Variants in PCDHA2 observed in about 807,000 individuals in gnomAD.
PCDHA2 encodes protocadherin alpha-2.
In PCDHA2, 58 loss-of-function variants were observed where a neutral mutation model predicts 66.0. The observed-to-expected ratio is 0.88, with a 90% CI of 0.71 to 1.09. The LOEUF is 1.09. PCDHA2 is among the 50% of genes least tolerant of loss of function. The pLI is 0.00. For synonymous variants in PCDHA2, 634 were observed against 554.0 expected, an observed-to-expected ratio of 1.14 and a Z score of -2.03; for missense variants, 1,267 against 1,242.3, an observed-to-expected ratio of 1.02 and a Z score of -0.30.
At chr5:140,799,417 C>T (rs1340431860) in intron 1 of PCDHA2, among the ~76,000 whole-genome samples, 5 of 152,052 alleles carry the variant, frequency 3.3e-5, no homozygotes, top group Non-Finnish European at 7.4e-5. Flanking sequence ...TATTTTCAAA[C>T]TAGCTACCAT....
At chr5:140,868,922 C>A in intron 1 of PCDHA2, 2 of 1,015,106 alleles carry the variant, frequency 2.0e-6, no homozygotes, top group Non-Finnish European at 2.8e-6. Flanking sequence ...GTGGAAAGTT[C>A]ATTTAAAGGT....
At chr5:140,822,892 G>T (rs2150120154) in intron 1 of PCDHA2, 2 of 1,614,212 alleles carry the variant, frequency 1.2e-6, no homozygotes, top group East Asian at 4.5e-5. Flanking sequence ...TCTGATCAGC[G>T]TGTCTGACCG....
intron 3 of PCDHA2, among the ~76,000 whole-genome samples, chr5:140,983,431 G>T (rs947907651): frequency 5.3e-5 from 8 of 152,198 alleles, no homozygotes; most frequent in African/African-American, 1.9e-4. Flanking sequence ...ACCACAAATT[G>T]TGTCTACTCT....
chr5:140,824,001 C>A (rs1210626259), intron 1 of PCDHA2: 6 of 1,613,960 alleles, frequency 3.7e-6, no homozygotes, highest in African/African-American at 2.7e-5. Flanking sequence ...TGTGCTCCAG[C>A]GCGGTGGGGA....
intron 1 of PCDHA2, chr5:140,816,109 G>C (rs1554126971): frequency 1.3e-5 from 2 of 152,000 alleles, no homozygotes; most frequent in South Asian, 2.1e-4. Flanking sequence ...TTCTCTTATG[G>C]CTTCTTCTTT....
chr5:140,869,126 G>T, intron 1 of PCDHA2: 2 of 1,611,852 alleles, frequency 1.2e-6, no homozygotes, highest in South Asian at 2.2e-5. Flanking sequence ...CAGAGAAGGG[G>T]ATTGGGCACC....
intron 3 of PCDHA2, among the ~76,000 whole-genome samples, chr5:141,006,959 A>G (rs2098296620): frequency 6.6e-6 from 1 of 152,142 alleles, no homozygotes; most frequent in East Asian, 1.9e-4. Context: ...GTTATACATG[A>G]GATTGGAGCA....
intron 3 of PCDHA2, among the ~76,000 whole-genome samples, chr5:141,007,339 T>C (rs2098316015): frequency 6.9e-6 from 1 of 143,904 alleles, no homozygotes; most frequent in Non-Finnish European, 1.5e-5. Context: ...TTGCCTGAGC[T>C]CAGGAGTTCG....
intron 1 of PCDHA2, chr5:140,804,822 G>A (rs1763466410): frequency 2.7e-6 from 1 of 372,784 alleles, no homozygotes; most frequent in Admixed American, 4.7e-5. Context: ...CTGAAACCTG[G>A]TTAATACTCA....
intron 1 of PCDHA2, chr5:140,841,722 G>A (rs2150321630): frequency 1.2e-6 from 2 of 1,613,870 alleles, no homozygotes; most frequent in Admixed American, 1.7e-5. Context: ...CCAGTGTTCC[G>A]GGTAAAAGAC....
rs2150182474 is a variant in PCDHA2 at position 140,830,181 on chromosome 5, A to G, written c.2388+32829A>G. The G allele has an allele frequency of 8.7e-6, 14 of 1,613,592 alleles. No individual in the cohort carries two copies. The East Asian group carries it at 1.8e-4, about 21-fold the overall frequency. Reference sequence around the variant, plus strand: ...CCAGAGGCGGCGCTGGTGGATGTCAACGTGTACCTGATCATCGCCATCTGC... The same window carrying G: ...CCAGAGGCGGCGCTGGTGGATGTCAGCGTGTACCTGATCATCGCCATCTGC... On this transcript the variant is annotated intron_variant, in intron 1 of 3. Transcript: ENST00000526136.
At chr5:140,850,669 C>A in intron 1 of PCDHA2, 1 of 1,598,502 alleles carries the variant, frequency 6.3e-7, no homozygotes, top group South Asian at 1.1e-5. Flanking sequence ...CGGTGCTCGG[C>A]GATGCCCACC....
rs2150153657 is a variant in PCDHA2, at chr5:140,828,287, A to G, written c.2388+30935A>G. 17 of 1,613,924 alleles carry G rather than the reference A, an allele frequency of 1.1e-5. No homozygotes were observed. The highest frequency in any genetic ancestry group is 4.5e-5 in the East Asian group (2 of 44,896). On this transcript the variant is annotated intron_variant, in intron 1 of 3. Coordinates refer to ENST00000526136, the MANE Select transcript of PCDHA2 (RefSeq NM_018905.3). ...GGAGCTGGTGCCGCGCCTGTTCAGG[A>G]TGGCCTCCAAAGACCGCGAGGACCT... is the stretch of plus-strand genomic sequence containing the variant.
chr5:140,859,830 T>C (rs1388131535), intron 1 of PCDHA2: 1 of 152,212 alleles, frequency 6.6e-6, no homozygotes, highest in Non-Finnish European at 1.5e-5. Flanking sequence ...AGAAGTGTAT[T>C]TGTTATTTTA....
At chr5:140,861,319 C>G (rs781885907) in intron 1 of PCDHA2, 29 of 220,020 alleles carry the variant, frequency 1.3e-4, no homozygotes, top group Non-Finnish European at 2.1e-4. Context: ...ACCAGTTCCA[C>G]TACACCATCC....
Position 140,848,545 on chromosome 5 carries a change from C to A in PCDHA2, c.2388+51193C>A. On this transcript the variant is annotated intron_variant, in intron 1 of 3. Coordinates refer to ENST00000526136, the MANE Select transcript of PCDHA2 (RefSeq NM_018905.3). ...CCAGAGGGTCAGCCTCTACTGCTCT[C>A]GCTTCTGATCCTCGCAATGTGGGTG... is the stretch of plus-strand genomic sequence containing the variant. 4 of 1,595,440 alleles carry A rather than the reference C, an allele frequency of 2.5e-6. 1 individual carries two copies. Among genetic ancestry groups the A allele is most frequent in the Non-Finnish European group, 3.4e-6 (4 of 1,165,436 alleles).
intron 1 of PCDHA2, chr5:140,884,152 T>C (rs1279761986): frequency 1.9e-6 from 3 of 1,613,332 alleles, no homozygotes; most frequent in East Asian, 2.2e-5. Flanking sequence ...GGCTGTACAC[T>C]GGCGAGATCA....
At chr5:140,879,235 A>T (rs904336289) in intron 1 of PCDHA2, among the ~76,000 whole-genome samples, 1 of 152,240 alleles carries the variant, frequency 6.6e-6, no homozygotes, top group Non-Finnish European at 1.5e-5. Context: ...CATATACAAG[A>T]GGCACTGGCA....
At chr5:140,828,978 A>G in intron 1 of PCDHA2, 1 of 1,614,200 alleles carries the variant, frequency 6.2e-7, no homozygotes, top group Non-Finnish European at 8.5e-7. Context: ...TTTAGCATAG[A>G]TCGAAATACG....
Sources: gnomAD v4.1 joint callset for allele counts (sites outside exome capture counted in the v4.1 genomes callset) on GRCh38, gnomAD v4.1.1 for gene constraint, MANE v1.5 for transcripts, NCBI Gene and HGNC (gene_info 2026-07-23, HGNC 2026-07-21) for gene names.